CFAP70: variants seen among roughly 807,000 people sequenced by gnomAD.
CFAP70 encodes the protein cilia and flagella associated protein 70.
CFAP70 carries 81 observed loss-of-function variants against 137.6 expected under a neutral mutation model. The observed-to-expected ratio is 0.59, with a 90% CI of 0.49 to 0.71. The LOEUF (loss-of-function observed/expected upper bound fraction) is 0.71. Ranked by LOEUF, CFAP70 falls within the 30% of genes least tolerant of loss-of-function variation. The pLI, the probability that CFAP70 is intolerant of heterozygous loss-of-function variation, is 0.00. For synonymous variants in CFAP70, 382 were observed against 423.6 expected (o/e 0.90, Z 1.20); for missense variants, 976 against 1,226.7 (o/e 0.80, Z 3.05).
rs1227403326 is a variant in CFAP70 at position 73,274,415 on chromosome 10, C to T, written c.2835+18G>A. ...AGTTCCCAGACCACGGGGTTATTCC[C>T]CATTCTCTACCCCTCACCTCTTTCT... On this transcript the variant is annotated intron_variant, in intron 23 of 26. Transcript: ENST00000310715. 6.3e-7 allele frequency: 1 copy of T among 1,598,678 alleles called. No homozygotes were observed. The highest frequency in any genetic ancestry group is 1.1e-5 in the South Asian group (1 of 88,110).
exon 3 of CFAP70, chr10:73,353,728 T>G: frequency 6.2e-7 from 1 of 1,614,100 alleles, no homozygotes; most frequent in Non-Finnish European, 8.5e-7. Flanking sequence ...CTGGAGTATC[T>G]CCTTTAAAAC....
intron 12 of CFAP70, among the ~76,000 whole-genome samples, chr10:73,303,435 G>T (rs564917963): frequency 1.5e-4 from 23 of 151,532 alleles, no homozygotes; most frequent in Admixed American, 1.3e-3. Flanking sequence ...AGCCAGGATG[G>T]TCTCGATCTT....
rs764861614 is a variant in CFAP70, at chr10:73,297,065, G to C, written c.1621C>G (p.Gln541Glu). The change falls in exon 15 of 27, where the codon CAG becomes GAG. Residue 541 changes from glutamine (Q) to glutamate (E), a missense_variant. Gln to Glu is a conservative substitution (Grantham distance 29). Coordinates refer to ENST00000310715, the Ensembl canonical transcript of CFAP70. ...ACCTGGTTTAGGGCTACATGCATCTGATCTACTAAGAACACATAGAGCTCA... is the reference window on the plus strand; with the variant it reads ...ACCTGGTTTAGGGCTACATGCATCTCATCTACTAAGAACACATAGAGCTCA... The C allele has an allele frequency of 2.5e-6, 4 of 1,613,626 alleles. No individual in the cohort carries two copies. In the African/African-American group the frequency reaches 5.3e-5, roughly 22 times the overall value.
At chr10:73,356,702 A>C (rs1412383031) in intron 1 of CFAP70, among the ~76,000 whole-genome samples, 1 of 152,186 alleles carries the variant, frequency 6.6e-6, no homozygotes, top group Non-Finnish European at 1.5e-5. Flanking sequence ...GGGCTCTTTA[A>C]GGGCTTTAGT....
chr10:73,255,627 T>TTTTG (rs111270021), intron 26 of CFAP70, among the ~76,000 whole-genome samples: 14,413 of 151,882 alleles, frequency 0.095, 1,062 homozygotes, highest in East Asian at 0.3. Flanking sequence ...CACTACCTGT[T>TTTTG]TTTGTTTGTT....
chr10:73,291,182 A>T, intron 19 of CFAP70, 44 bp downstream of exon 20: 1 of 1,583,338 alleles, frequency 6.3e-7, no homozygotes, highest in Non-Finnish European at 8.7e-7. Flanking sequence ...ACCTGGCAGT[A>T]ATTTTTCTAA....
intron 1 of CFAP70, among the ~76,000 whole-genome samples, chr10:73,357,381 G>C (rs1157193644): frequency 1.3e-5 from 2 of 152,138 alleles, no homozygotes; most frequent in Non-Finnish European, 2.9e-5. Context: ...AAGTACGCTG[G>C]AACTATGTCT....
At chr10:73,297,686 T>C (rs1270846453) in intron 14 of CFAP70, among the ~76,000 whole-genome samples, 1 of 152,236 alleles carries the variant, frequency 6.6e-6, no homozygotes, top group Non-Finnish European at 1.5e-5. Flanking sequence ...GAGACAAGTA[T>C]AGAAGCTTAA....
At chr10:73,314,532 T>C (rs570166960) in intron 9 of CFAP70, among the ~76,000 whole-genome samples, 1 of 152,340 alleles carries the variant, frequency 6.6e-6, no homozygotes, top group East Asian at 1.9e-4. Context: ...TCTGCCTTCT[T>C]TCACTTAGCA....
At chr10:73,272,064 G>T (rs182384548) in intron 24 of CFAP70, among the ~76,000 whole-genome samples, 9 of 152,176 alleles carry the variant, frequency 5.9e-5, no homozygotes, top group Admixed American at 2.0e-4. Flanking sequence ...CAGCAATGAG[G>T]GGCTAAGTGA....
At chr10:73,254,102 T>C (rs375715915) in intron 26 of CFAP70, 47 bp from the exon 28 acceptor site, 39 of 1,498,576 alleles carry the variant, frequency 2.6e-5, no homozygotes, top group Non-Finnish European at 3.3e-5. Flanking sequence ...ATACGTGATA[T>C]ACTTTATGTG....
chr10:73,313,436 G>A (rs1258586926), intron 9 of CFAP70, among the ~76,000 whole-genome samples: 1 of 151,280 alleles, frequency 6.6e-6, no homozygotes, highest in South Asian at 2.1e-4. Flanking sequence ...CTAGTTACTG[G>A]GGAGGCTGAG....
chr10:73,362,619 G>C (rs2055056585), upstream of CFAP70, among the ~76,000 whole-genome samples: 1 of 152,038 alleles, frequency 6.6e-6, no homozygotes. Context: ...TTTGTATGTT[G>C]CTTTTGTATC....
intron 8 of CFAP70, among the ~76,000 whole-genome samples, chr10:73,327,678 T>C (rs892913386): frequency 7.2e-5 from 11 of 152,074 alleles, no homozygotes; most frequent in African/African-American, 2.7e-4. Context: ...ATCACAAGCA[T>C]TCTTATACAC....
At chr10:73,350,861 A>G (rs1471314524) in intron 3 of CFAP70, among the ~76,000 whole-genome samples, 2 of 150,746 alleles carry the variant, frequency 1.3e-5, no homozygotes, top group Admixed American at 1.3e-4. Flanking sequence ...CGAGGGCTCA[A>G]GTGATTCTCC....
chr10:73,323,204 T>A, intron 8 of CFAP70, 107 bp from the exon 10 acceptor site: 1 of 1,056,676 alleles, frequency 9.5e-7, no homozygotes, highest in Non-Finnish European at 1.3e-6. Context: ...CTAACTCAAC[T>A]ACTTAGCCAG....
At chr10:73,265,716 G>A (rs2045687178) in intron 25 of CFAP70, among the ~76,000 whole-genome samples, 1 of 152,150 alleles carries the variant, frequency 6.6e-6, no homozygotes, top group Non-Finnish European at 1.5e-5. Flanking sequence ...CAAAACCTAA[G>A]TTTCCATATA....
At chr10:73,302,744 T>C (rs2049045278) in intron 12 of CFAP70, among the ~76,000 whole-genome samples, 1 of 152,232 alleles carries the variant, frequency 6.6e-6, no homozygotes, top group Non-Finnish European at 1.5e-5. Context: ...TGTTGAAGAC[T>C]GCTTTAAATT....
chr10:73,265,334 A>AAAG (rs1411253884), intron 25 of CFAP70, among the ~76,000 whole-genome samples: 2 of 150,670 alleles, frequency 1.3e-5, no homozygotes, highest in South Asian at 2.1e-4. Context: ...AAAAAAAAAA[A>AAAG]AAGAAGAAGA....
Sources: allele counts gnomAD v4.1 joint callset (sites outside exome capture counted in the v4.1 genomes callset), GRCh38; gene constraint gnomAD v4.1.1; transcripts MANE v1.5; gene names NCBI Gene and HGNC (gene_info 2026-07-23, HGNC 2026-07-21).